The following GET4 variants were observed in gnomAD, a reference collection of about 807,000 sequenced individuals.
GET4 encodes the protein guided entry of tail-anchored proteins factor 4.
GET4 carries 20 observed loss-of-function variants against 40.0 expected under a neutral mutation model. The observed-to-expected ratio is 0.50, with a 90% CI of 0.35 to 0.73. The LOEUF is 0.73. Among genes scored for constraint, GET4 ranks in the 30% least tolerant of loss-of-function variants. The probability of loss-of-function intolerance (pLI) is 0.01; values close to 1 mark genes in which losing one functional copy is unlikely to be tolerated. For synonymous variants in GET4, 280 were observed against 194.6 expected (o/e 1.44, Z -3.65); for missense variants, 557 against 454.0 (o/e 1.23, Z -2.06).
intron 6 of GET4, among the ~76,000 whole-genome samples, chr7:893,260 C>G (rs1307382066): frequency 1.4e-5 from 1 of 73,614 alleles, no homozygotes; most frequent in East Asian, 4.4e-4. Context: ...GAGTGTTGGG[C>G]GCGGGCGCGG....
intron 1 of GET4, chr7:880,679 C>G (rs538300993): frequency 2.0e-5 from 3 of 152,338 alleles, no homozygotes; most frequent in South Asian, 4.1e-4. Context: ...CTGAACCTCT[C>G]AAACCTTGGC....
rs1294777817 is a variant in GET4 at position 894,248 on chromosome 7, C to CA, written c.895+277_895+278insA. ...ATCACATCACGTGGCTGGCTGCGTG[C>CA]TCCCCCGTCTCTCTGTGCGCCATGC... On this transcript the variant is annotated intron_variant, in intron 8 of 8. Coordinates refer to ENST00000265857, the MANE Select transcript of GET4 (RefSeq NM_015949.3). 3.9e-5 allele frequency among the ~76,000 whole-genome samples: 6 copies of CA among 152,304 alleles called. No homozygotes were observed. The East Asian group carries it at 1.2e-3, about 29-fold the overall frequency.
chr7:879,796 GCA>G (rs745381789), intron 1 of GET4: 2 of 152,220 alleles, frequency 1.3e-5, no homozygotes, highest in Non-Finnish European at 2.9e-5. Context: ...GACGTTTATA[GCA>G]ATACGTTTTT....
chr7:878,869 G>A (rs1460383217), intron 1 of GET4, among the ~76,000 whole-genome samples: 1 of 152,178 alleles, frequency 6.6e-6, no homozygotes, highest in Non-Finnish European at 1.5e-5. Flanking sequence ...GTGAGCCACG[G>A]CGCCCGGCCA....
intron 1 of GET4, among the ~76,000 whole-genome samples, chr7:877,609 TC>T (rs1207104007): frequency 5.1e-5 from 5 of 98,436 alleles, no homozygotes; most frequent in African/African-American, 1.7e-4. Context: ...CCCCTGGACC[TC>T]CCCCACCTCT....
chr7:879,228 C>T (rs1188890282), intron 1 of GET4, among the ~76,000 whole-genome samples: 1 of 152,256 alleles, frequency 6.6e-6, no homozygotes, highest in Admixed American at 6.5e-5. Context: ...CTGTCACGCC[C>T]AACCTGTGCC....
intron 8 of GET4, among the ~76,000 whole-genome samples, chr7:894,502 C>T (rs889388945): frequency 6.6e-6 from 1 of 152,222 alleles, no homozygotes; most frequent in Admixed American, 6.5e-5. Flanking sequence ...CCACAGATGT[C>T]TGCCCTGGTG....
intron 6 of GET4, among the ~76,000 whole-genome samples, chr7:893,469 CGGT>C (rs1490308516): frequency 6.2e-5 from 6 of 96,382 alleles, no homozygotes; most frequent in African/African-American, 1.2e-4. Context: ...GGCGCGGGCG[CGGT>C]GGTTTGTGCA....
intron 5 of GET4, 131 bp downstream of exon 5, chr7:891,197 C>G: frequency 1.5e-6 from 1 of 658,456 alleles, no homozygotes; most frequent in Non-Finnish European, 2.6e-6. Flanking sequence ...GCAGAGCCCA[C>G]AGTGCACTTG....
chr7:891,161 T>C, intron 5 of GET4, 95 bp downstream of exon 5: 2 of 984,710 alleles, frequency 2.0e-6, no homozygotes, highest in Non-Finnish European at 3.0e-6. Flanking sequence ...CGAGCCGAGC[T>C]GCAGGATAAA....
intron 5 of GET4, 100 bp downstream of exon 5, chr7:891,166 G>A (rs1459255170): frequency 2.2e-6 from 2 of 904,834 alleles, no homozygotes; most frequent in Non-Finnish European, 1.7e-6. Context: ...CGAGCTGCAG[G>A]ATAAACTGAG....
rs373436515 is a variant in GET4 at position 886,550 on chromosome 7, G to T, written c.235-19G>T. On this transcript the variant is annotated intron_variant, in intron 2 of 8. Coordinates refer to ENST00000265857, the MANE Select transcript of GET4 (RefSeq NM_015949.3). ...TCAGGGCTTTGTTCTTGATTCTTGTGTGTTGCTTTCTCTTGTAGCAAAACA... is the reference window on the plus strand; with the variant it reads ...TCAGGGCTTTGTTCTTGATTCTTGTTTGTTGCTTTCTCTTGTAGCAAAACA... 1 of 1,585,358 alleles carries T rather than the reference G, an allele frequency of 6.3e-7. No individual in the cohort carries two copies. The highest frequency in any genetic ancestry group is 1.7e-5 in the Admixed American group (1 of 59,982).
rs369174132 is a variant in GET4 at position 887,543 on chromosome 7, G to A, written c.466+24G>A. The A allele has an allele frequency of 2.0e-5, 30 of 1,495,686 alleles. No homozygotes were observed. In the African/African-American group the frequency reaches 2.2e-4, roughly 11 times the overall value. 92.7% of individuals were successfully genotyped at this position (1,495,686 alleles called of 1,614,324 possible). On this transcript the variant is annotated intron_variant, in intron 4 of 8. Coordinates refer to ENST00000265857, the MANE Select transcript of GET4 (RefSeq NM_015949.3). ...AGGTAGGCCTGGGGCCAGGGCAGGCGTGGGCACCTCTCTGCTCTCGGCGTT... is the reference window on the plus strand; with the variant it reads ...AGGTAGGCCTGGGGCCAGGGCAGGCATGGGCACCTCTCTGCTCTCGGCGTT...
chr7:890,934 A>C lies in GET4; in HGVS notation c.473A>C (p.Asn158Thr). ...LLALTLWKEQNYCESRYHFLH... is the reference protein window; with the variant it reads ...LLALTLWKEQTYCESRYHFLH... ...TTCTGTCTTTCCTTTGCAGAACAAA[A>C]CTATTGTGAGTCGAGGTATCATTTT... The change falls in exon 5 of 9, where the codon AAC becomes ACC. Residue 158 changes from asparagine to threonine, a missense_variant. Transcript: ENST00000265857. 1 of 1,605,164 alleles carries C rather than the reference A, an allele frequency of 6.2e-7. No homozygotes were observed. The highest frequency in any genetic ancestry group is 8.5e-7 in the Non-Finnish European group (1 of 1,172,134).
chr7:886,634 G>A lies in GET4; in HGVS notation c.300G>A (p.Val100=), dbSNP rs1190999735. The A allele has an allele frequency of 1.2e-6, 2 of 1,611,664 alleles. No individual in the cohort carries two copies. The highest frequency in any genetic ancestry group is 3.3e-5 in the Admixed American group (2 of 60,022). ...CCCTGGAGAAGGCGGAAGTGGAGGT[G>A]GCTGACGAGCTGCTGGGTGAGCATC... ...LESLEKAEVE[V]ADELLENLAK... is the part of the protein sequence containing the mutation. The change falls in exon 3 of 9, where the codon GTG becomes GTA. Residue 100 remains valine, a synonymous_variant. Coordinates refer to ENST00000265857, the MANE Select transcript of GET4 (RefSeq NM_015949.3).
chr7:879,301 T>C (rs967597000), intron 1 of GET4, among the ~76,000 whole-genome samples: 5 of 152,234 alleles, frequency 3.3e-5, no homozygotes, highest in Non-Finnish European at 7.3e-5. Context: ...CGGTGCCACG[T>C]GCTGGTGAGC....
intron 6 of GET4, 142 bp from the exon 7 acceptor site, chr7:893,598 G>C: frequency 2.0e-6 from 1 of 498,570 alleles, no homozygotes; most frequent in Non-Finnish European, 3.4e-6. Flanking sequence ...TGTTGGGCAT[G>C]GGCGCGGTGT....
At chr7:878,181 GGCT>G (rs1191511623) in intron 1 of GET4, 6 of 454,968 alleles carry the variant, frequency 1.3e-5, no homozygotes, top group Non-Finnish European at 2.3e-5. Flanking sequence ...GAGCAGAGCT[GGCT>G]ATGCTGGGTT....
chr7:884,036 C>T, intron 1 of GET4: 1 of 1,167,636 alleles, frequency 8.6e-7, no homozygotes, highest in Non-Finnish European at 1.1e-6. Context: ...GCAGTGCCCC[C>T]CAGAGCAGGC....
Sources: allele counts gnomAD v4.1 joint callset (sites outside exome capture counted in the v4.1 genomes callset), GRCh38; gene constraint gnomAD v4.1.1; transcripts MANE v1.5; gene names NCBI Gene and HGNC (gene_info 2026-07-23, HGNC 2026-07-21).